The following TUNAR variants were observed in gnomAD, a reference collection of about 807,000 sequenced individuals.
The protein encoded by TUNAR is transmembrane neural differentiation associated intracellular calcium regulator.
chr14:95,885,934 T>C (rs1566785221), intron 2 of TUNAR, among the ~76,000 whole-genome samples: 1 of 152,130 alleles, frequency 6.6e-6, no homozygotes, highest in Admixed American at 6.5e-5. Context: ...GTATCTGTTG[T>C]CTGATCCTCT....
intron 2 of TUNAR, among the ~76,000 whole-genome samples, chr14:95,891,246 G>A (rs1390256093): frequency 6.6e-6 from 1 of 152,180 alleles, no homozygotes; most frequent in Non-Finnish European, 1.5e-5. Context: ...CTGCTCGGGG[G>A]TTTTCCCTGG....
intron 2 of TUNAR, among the ~76,000 whole-genome samples, chr14:95,916,506 C>T (rs1474655172): frequency 2.6e-5 from 4 of 152,284 alleles, no homozygotes; most frequent in Admixed American, 6.5e-5. Flanking sequence ...GAACTCACAA[C>T]GGTAGATCCA....
chr14:95,890,254 C>G (rs1889156647), intron 2 of TUNAR, among the ~76,000 whole-genome samples: 1 of 152,214 alleles, frequency 6.6e-6, no homozygotes, highest in Non-Finnish European at 1.5e-5. Context: ...GTTTTCCTTC[C>G]TCTCTGTCTG....
intron 2 of TUNAR, among the ~76,000 whole-genome samples, chr14:95,914,571 G>C (rs958151769): frequency 1.3e-5 from 2 of 152,198 alleles, no homozygotes; most frequent in African/African-American, 4.8e-5. Context: ...AAGGGATCAT[G>C]ATTAGGAGTG....
intron 2 of TUNAR, among the ~76,000 whole-genome samples, chr14:95,889,150 C>T (rs553484638): frequency 6.6e-6 from 1 of 152,276 alleles, no homozygotes; most frequent in South Asian, 2.1e-4. Flanking sequence ...CCCCTCCCCT[C>T]CCCTGCTGTC....
At chr14:95,893,874 A>G (rs1299618855) in intron 2 of TUNAR, among the ~76,000 whole-genome samples, 1 of 152,230 alleles carries the variant, frequency 6.6e-6, no homozygotes, top group Non-Finnish European at 1.5e-5. Context: ...TGGCTGCACT[A>G]TGTGGGCACA....
intron 2 of TUNAR, among the ~76,000 whole-genome samples, chr14:95,889,565 G>A (rs1364916767): frequency 6.6e-6 from 1 of 151,816 alleles, no homozygotes; most frequent in Admixed American, 6.6e-5. Context: ...CAGGTTCTCT[G>A]CACCCTGGGC....
At chr14:95,909,368 C>G (rs996216229) in intron 2 of TUNAR, among the ~76,000 whole-genome samples, 5 of 150,634 alleles carry the variant, frequency 3.3e-5, no homozygotes, top group Non-Finnish European at 7.4e-5. Context: ...ACTACAACCT[C>G]CTCCTCCCGG....
intron 2 of TUNAR, among the ~76,000 whole-genome samples, chr14:95,920,659 G>C (rs1889682959): frequency 6.6e-6 from 1 of 152,122 alleles, no homozygotes; most frequent in Non-Finnish European, 1.5e-5. Context: ...CTGTCCTCCG[G>C]ATCCAGAGCC....
At chr14:95,896,908 G>A (rs779215203) in intron 2 of TUNAR, among the ~76,000 whole-genome samples, 3 of 152,180 alleles carry the variant, frequency 2.0e-5, no homozygotes, top group Non-Finnish European at 4.4e-5. Flanking sequence ...CTCCCAGAGC[G>A]TGCTGCCTTG....
At chr14:95,912,324 A>T (rs1889526921) in intron 2 of TUNAR, among the ~76,000 whole-genome samples, 1 of 152,196 alleles carries the variant, frequency 6.6e-6, no homozygotes, top group South Asian at 2.1e-4. Context: ...GATTTTATTT[A>T]ATATGGAAAA....
chr14:95,920,727 G>A (rs1566793415), intron 2 of TUNAR, among the ~76,000 whole-genome samples: 1 of 152,172 alleles, frequency 6.6e-6, no homozygotes, highest in Admixed American at 6.5e-5. Context: ...CAGGGGGAGG[G>A]CATGCAGACG....
chr14:95,889,397 G>A (rs144904157), intron 2 of TUNAR, among the ~76,000 whole-genome samples: 4 of 152,096 alleles, frequency 2.6e-5, no homozygotes, highest in South Asian at 4.2e-4. Flanking sequence ...CCTGGGCACC[G>A]TGCCTGCTGC....
chr14:95,883,722 A>ACC (rs144578165), intron 2 of TUNAR, among the ~76,000 whole-genome samples: 7,246 of 150,930 alleles, frequency 0.048, 173 homozygotes, highest in Middle Eastern at 0.058. Context: ...GGGCCAAGCC[A>ACC]CCCCCCCGCC....
intron 2 of TUNAR, among the ~76,000 whole-genome samples, chr14:95,888,273 C>G (rs1400247419): frequency 6.6e-6 from 1 of 152,168 alleles, no homozygotes; most frequent in African/African-American, 2.4e-5. Flanking sequence ...TAAGTCCTTT[C>G]CGTGGACTCT....
intron 2 of TUNAR, among the ~76,000 whole-genome samples, 143 bp from the exon 2 acceptor site, chr14:95,922,628 GCAAGGTGTCC>G (rs1204172103): frequency 1.3e-5 from 2 of 152,128 alleles, no homozygotes; most frequent in African/African-American, 4.8e-5. Context: ...ATGGCCAAGA[GCAAGGTGTCC>G]CAAGGTAGGA....
intron 2 of TUNAR, among the ~76,000 whole-genome samples, chr14:95,890,403 C>T (rs1421213169): frequency 6.6e-6 from 1 of 152,198 alleles, no homozygotes; most frequent in East Asian, 1.9e-4. Flanking sequence ...TTTGTGTGGC[C>T]TCAAAGCTCA....
At chr14:95,910,094 C>T (rs1378527608) in intron 2 of TUNAR, among the ~76,000 whole-genome samples, 2 of 152,196 alleles carry the variant, frequency 1.3e-5, no homozygotes, top group Non-Finnish European at 1.5e-5. Flanking sequence ...ACTTTTTTCA[C>T]TGCCGTATCC....
At chr14:95,911,257 C>T (rs1889508410) in intron 2 of TUNAR, among the ~76,000 whole-genome samples, 1 of 152,190 alleles carries the variant, frequency 6.6e-6, no homozygotes, top group Non-Finnish European at 1.5e-5. Flanking sequence ...CTGCCAGTCC[C>T]CTGCCTCGTT....
Sources: allele counts gnomAD v4.1 joint callset (sites outside exome capture counted in the v4.1 genomes callset), GRCh38; gene constraint gnomAD v4.1.1; transcripts MANE v1.5; gene names NCBI Gene and HGNC (gene_info 2026-07-23, HGNC 2026-07-21).